The following COG5 variants were observed in gnomAD, a reference collection of about 807,000 sequenced individuals.
COG5 encodes conserved oligomeric Golgi complex subunit 5.
Under a neutral mutation model 110.4 loss-of-function variants are expected in COG5, and 86 were observed. That is an observed-to-expected ratio of 0.78 (90% confidence interval 0.65 to 0.93). COG5 has a LOEUF of 0.93. Ranked by LOEUF, COG5 falls within the 40% of genes least tolerant of loss-of-function variation. COG5 has a pLI of 0.00. For missense variants in COG5, 1,077 were observed against 987.0 expected, an observed-to-expected ratio of 1.09 and a Z score of -1.22; for synonymous variants, 360 against 334.6, an observed-to-expected ratio of 1.08 and a Z score of -0.83.
intron 8 of COG5, among the ~76,000 whole-genome samples, chr7:107,371,435 A>G (rs1814155478): frequency 1.3e-5 from 2 of 152,124 alleles, no homozygotes; most frequent in Admixed American, 6.5e-5. Flanking sequence ...ATTTTTTTAA[A>G]TAAAAAATTA....
intron 6 of COG5, among the ~76,000 whole-genome samples, chr7:107,417,270 T>A (rs1382513830): frequency 6.6e-6 from 1 of 152,238 alleles, no homozygotes; most frequent in Non-Finnish European, 1.5e-5. Flanking sequence ...GTCTACTATA[T>A]TCTTTTTAAA....
chr7:107,241,197 C>G (rs1457557788), intron 17 of COG5, among the ~76,000 whole-genome samples: 1 of 152,042 alleles, frequency 6.6e-6, no homozygotes, highest in Non-Finnish European at 1.5e-5. Context: ...ATAGAATAAG[C>G]CTTCAAAAAT....
At chr7:107,488,923 T>C (rs913651107) in intron 6 of COG5, among the ~76,000 whole-genome samples, 2 of 152,146 alleles carry the variant, frequency 1.3e-5, no homozygotes, top group African/African-American at 4.8e-5. Context: ...AACTATGTAT[T>C]TCCCCAAAGT....
intron 14 of COG5, among the ~76,000 whole-genome samples, chr7:107,266,729 A>AG (rs1803831271): frequency 6.6e-6 from 1 of 152,104 alleles, no homozygotes; most frequent in Non-Finnish European, 1.5e-5. Flanking sequence ...GGGAAACCAG[A>AG]GGACTAACCA....
At chr7:107,329,178 A>T (rs1810027562) in intron 10 of COG5, among the ~76,000 whole-genome samples, 1 of 152,156 alleles carries the variant, frequency 6.6e-6, no homozygotes, top group South Asian at 2.1e-4. Flanking sequence ...TGATATCCTA[A>T]TACAATTGTT....
At chr7:107,251,485 C>G (rs1356983133) in intron 16 of COG5, among the ~76,000 whole-genome samples, 2 of 151,980 alleles carry the variant, frequency 1.3e-5, no homozygotes, top group African/African-American at 4.8e-5. Context: ...TCTTAATAAA[C>G]TTGCTTTTAC....
intron 8 of COG5, among the ~76,000 whole-genome samples, chr7:107,370,625 A>G (rs1467010211): frequency 6.6e-6 from 1 of 151,892 alleles, no homozygotes; most frequent in Non-Finnish European, 1.5e-5. Flanking sequence ...GTCTCTACTA[A>G]AAATATAAAA....
intron 11 of COG5, among the ~76,000 whole-genome samples, chr7:107,322,461 T>G (rs1809390738): frequency 1.3e-5 from 2 of 152,158 alleles, no homozygotes; most frequent in South Asian, 4.1e-4. Flanking sequence ...GGTATTTTGT[T>G]GTAGCAGCCC....
chr7:107,551,274 T>C (rs532622309), intron 3 of COG5, among the ~76,000 whole-genome samples: 22 of 152,188 alleles, frequency 1.4e-4, no homozygotes, highest in African/African-American at 5.3e-4. Context: ...CTACCTCTTT[T>C]TGACAAAAAG....
intron 7 of COG5, among the ~76,000 whole-genome samples, chr7:107,408,797 G>T (rs1792058280): frequency 6.6e-6 from 1 of 152,186 alleles, no homozygotes; most frequent in South Asian, 2.1e-4. Flanking sequence ...CAAATGCAAT[G>T]AAGGTTATAT....
chr7:107,283,577 A>T lies in COG5; in HGVS notation c.1469T>A (p.Ile490Lys). 6.2e-7 allele frequency: 1 copy of T among 1,613,828 alleles called. No homozygotes were observed. Among genetic ancestry groups the T allele is most frequent in the Non-Finnish European group, 8.5e-7 (1 of 1,179,808 alleles). Reference sequence around the variant, plus strand: ...CTATATAAAAAATACATACCTTGCTATAGTTTTAATAATACCATCAAGTTC... The same window carrying T: ...CTATATAAAAAATACATACCTTGCTTTAGTTTTAATAATACCATCAAGTTC... ...SDELDGIIKT[I>K]ASELNVAAVD... is the part of the protein sequence containing the mutation. The change falls in exon 13 of 22, where the codon ATA becomes AAA. Residue 490 changes from isoleucine to lysine, a missense_variant. Coordinates refer to ENST00000297135, the MANE Select transcript of COG5 (RefSeq NM_006348.5).
intron 14 of COG5, among the ~76,000 whole-genome samples, chr7:107,267,024 T>C (rs1803857522): frequency 6.6e-6 from 1 of 152,190 alleles, no homozygotes; most frequent in Admixed American, 6.5e-5. Context: ...ATTAAAGAGA[T>C]GACAGCTTGA....
intron 1 of COG5, among the ~76,000 whole-genome samples, chr7:107,558,914 C>CAAAAAAAAAAAAAA: frequency 3.2e-5 from 1 of 31,176 alleles, no homozygotes; most frequent in African/African-American, 8.5e-5. Context: ...GACTTCATCT[C>CAAAAAAAAAAAAAA]AAAAAAAAAA....
At chr7:107,507,491 T>A (rs1799114371) in intron 6 of COG5, among the ~76,000 whole-genome samples, 1 of 141,170 alleles carries the variant, frequency 7.1e-6, no homozygotes. Context: ...TTTTTTTTAG[T>A]AGACACAGGG....
At chr7:107,361,432 T>C (rs1290403174) in intron 10 of COG5, among the ~76,000 whole-genome samples, 1 of 152,204 alleles carries the variant, frequency 6.6e-6, no homozygotes, top group Admixed American at 6.5e-5. Flanking sequence ...GTGGAAGTTT[T>C]AAAGCACTTA....
At chr7:107,331,567 T>C (rs759120606) in intron 10 of COG5, among the ~76,000 whole-genome samples, 1 of 152,112 alleles carries the variant, frequency 6.6e-6, no homozygotes, top group Non-Finnish European at 1.5e-5. Context: ...GTTAGGAATT[T>C]ACTGAAAAAA....
At chr7:107,256,164 T>C (rs1401695633) in intron 16 of COG5, among the ~76,000 whole-genome samples, 2 of 152,120 alleles carry the variant, frequency 1.3e-5, no homozygotes, top group Non-Finnish European at 2.9e-5. Flanking sequence ...GTTATGTTTG[T>C]ATAGAAAAAA....
intron 6 of COG5, among the ~76,000 whole-genome samples, chr7:107,429,735 A>G (rs1047389316): frequency 1.3e-5 from 2 of 152,136 alleles, no homozygotes; most frequent in Admixed American, 6.5e-5. Flanking sequence ...GTGACAATGA[A>G]TAAGTCTCAT....
At chr7:107,546,679 A>C (rs1431844011) in intron 5 of COG5, among the ~76,000 whole-genome samples, 1 of 151,968 alleles carries the variant, frequency 6.6e-6, no homozygotes, top group Non-Finnish European at 1.5e-5. Flanking sequence ...TCTCAAAACC[A>C]GAAATGAAAA....
Sources: allele counts gnomAD v4.1 joint callset (sites outside exome capture counted in the v4.1 genomes callset), GRCh38; gene constraint gnomAD v4.1.1; transcripts MANE v1.5; gene names NCBI Gene and HGNC (gene_info 2026-07-23, HGNC 2026-07-21).